Variants in KIAA1217 observed in about 807,000 individuals in gnomAD.
The protein encoded by KIAA1217 is KIAA1217.
KIAA1217 carries 88 observed loss-of-function variants against 163.9 expected under a neutral mutation model. That is an observed-to-expected ratio of 0.54 (90% CI 0.45 to 0.64). The LOEUF (loss-of-function observed/expected upper bound fraction) is 0.64. Ranked by LOEUF, KIAA1217 falls within the 30% of genes least tolerant of loss-of-function variation. The pLI is 0.00. For synonymous variants in KIAA1217, 903 were observed against 923.1 expected, an observed-to-expected ratio of 0.98 and a Z score of 0.39; for missense variants, 2,372 against 2,475.0, an observed-to-expected ratio of 0.96 and a Z score of 0.88.
chr10:24,124,018 GCTAT>G (rs1458677817), intron 2 of KIAA1217, among the ~76,000 whole-genome samples: 1 of 152,034 alleles, frequency 6.6e-6, no homozygotes, highest in African/African-American at 2.4e-5. Flanking sequence ...CTTTATTTAG[GCTAT>G]CTTTTATCAT....
At chr10:23,818,008 T>TACACACACAC (rs1255645777) in intron 1 of KIAA1217, among the ~76,000 whole-genome samples, 1 of 87,264 alleles carries the variant, frequency 1.1e-5, no homozygotes, top group African/African-American at 5.3e-5. Flanking sequence ...TATATATATA[T>TACACACACAC]ACACACATAT....
chr10:24,074,362 C>T (rs1393572227), intron 2 of KIAA1217, among the ~76,000 whole-genome samples: 1 of 151,932 alleles, frequency 6.6e-6, no homozygotes, highest in Non-Finnish European at 1.5e-5. Flanking sequence ...CAAACAACAA[C>T]AACAACAAAA....
intron 1 of KIAA1217, among the ~76,000 whole-genome samples, chr10:23,699,472 C>T (rs1836278819): frequency 6.6e-6 from 1 of 152,194 alleles, no homozygotes; most frequent in African/African-American, 2.4e-5. Context: ...CTTGTGCTCT[C>T]TTCTCCATTG....
chr10:24,048,719 G>T (rs185619373), intron 2 of KIAA1217, among the ~76,000 whole-genome samples: 106 of 133,200 alleles, frequency 8.0e-4, no homozygotes, highest in African/African-American at 2.6e-3. Flanking sequence ...GACAGAGCAA[G>T]ACTCTGTCTC....
intron 2 of KIAA1217, among the ~76,000 whole-genome samples, chr10:24,342,508 A>G (rs949571728): frequency 1.3e-5 from 2 of 152,176 alleles, no homozygotes; most frequent in Admixed American, 6.5e-5. Flanking sequence ...CTCAAATGGC[A>G]TATGCATATC....
At chr10:24,277,876 C>T (rs755993217) in intron 2 of KIAA1217, among the ~76,000 whole-genome samples, 13 of 152,218 alleles carry the variant, frequency 8.5e-5, no homozygotes, top group Non-Finnish European at 1.0e-4. Context: ...CACCCTCTGA[C>T]GGGCAAAAGA....
chr10:24,047,934 A>G (rs1228391783), intron 2 of KIAA1217, among the ~76,000 whole-genome samples: 1 of 152,162 alleles, frequency 6.6e-6, no homozygotes, highest in Non-Finnish European at 1.5e-5. Context: ...CTTTTTCCTA[A>G]TAATAAGGAG....
At chr10:24,367,878 G>A (rs570407350) in intron 2 of KIAA1217, among the ~76,000 whole-genome samples, 1 of 152,170 alleles carries the variant, frequency 6.6e-6, no homozygotes, top group Admixed American at 6.5e-5. Flanking sequence ...CTTGCCCAAG[G>A]TCACACAGCT....
chr10:24,087,368 A>G (rs1374574463), intron 2 of KIAA1217, among the ~76,000 whole-genome samples: 1 of 152,196 alleles, frequency 6.6e-6, no homozygotes, highest in East Asian at 1.9e-4. Flanking sequence ...TACATAATTT[A>G]AGCTTTCTTC....
chr10:23,697,286 T>C (rs527779100), intron 1 of KIAA1217, among the ~76,000 whole-genome samples: 1 of 152,350 alleles, frequency 6.6e-6, no homozygotes, highest in East Asian at 1.9e-4. Flanking sequence ...TTCCTTCACG[T>C]ATCTAATAAT....
intron 2 of KIAA1217, among the ~76,000 whole-genome samples, chr10:24,068,363 A>T (rs897875529): frequency 1.3e-5 from 2 of 152,180 alleles, no homozygotes; most frequent in Middle Eastern, 3.4e-3. Flanking sequence ...CTTTACTTAA[A>T]TTCTCACTTT....
intron 2 of KIAA1217, among the ~76,000 whole-genome samples, chr10:24,039,349 G>C (rs924571487): frequency 6.6e-5 from 10 of 152,074 alleles, no homozygotes; most frequent in Admixed American, 6.6e-5. Context: ...TACAATGGGG[G>C]AAACAATATG....
At chr10:24,364,789 C>CA (rs1554831836) in intron 2 of KIAA1217, among the ~76,000 whole-genome samples, 10 of 148,338 alleles carry the variant, frequency 6.7e-5, no homozygotes, top group Non-Finnish European at 9.0e-5. Context: ...TTCTTCCTTT[C>CA]TTTTTTTTTT....
intron 1 of KIAA1217, among the ~76,000 whole-genome samples, chr10:23,745,365 G>T (rs1021087539): frequency 6.6e-6 from 1 of 152,156 alleles, no homozygotes; most frequent in African/African-American, 2.4e-5. Flanking sequence ...CAGAATGTTT[G>T]TGCTAATGTA....
At chr10:24,224,873 C>T (rs1220918529) in intron 2 of KIAA1217, among the ~76,000 whole-genome samples, 1 of 144,098 alleles carries the variant, frequency 6.9e-6, no homozygotes, top group Admixed American at 7.2e-5. Flanking sequence ...GTCACCCAGG[C>T]TGGAGTGCAG....
intron 1 of KIAA1217, among the ~76,000 whole-genome samples, chr10:23,993,927 G>C (rs1846343886): frequency 6.6e-6 from 1 of 152,032 alleles, no homozygotes; most frequent in Non-Finnish European, 1.5e-5. Context: ...AGTCTTCCCG[G>C]TGTGCCTAAG....
At chr10:23,745,663 T>C (rs77997686) in intron 1 of KIAA1217, among the ~76,000 whole-genome samples, 1 of 152,204 alleles carries the variant, frequency 6.6e-6, no homozygotes, top group Non-Finnish European at 1.5e-5. Flanking sequence ...GCAAAGCTTG[T>C]GAAGGCTATT....
chr10:23,728,040 T>A (rs547676217), intron 1 of KIAA1217, among the ~76,000 whole-genome samples: 2 of 152,354 alleles, frequency 1.3e-5, no homozygotes, highest in Admixed American at 1.3e-4. Flanking sequence ...CTTTATCCAG[T>A]CTATCATTGA....
At chr10:24,525,514 G>A (rs1286280297) in intron 13 of KIAA1217, among the ~76,000 whole-genome samples, 2 of 152,212 alleles carry the variant, frequency 1.3e-5, no homozygotes, top group Non-Finnish European at 2.9e-5. Context: ...GAGAAATGCT[G>A]CAGCTCTAAT....
Sources: gnomAD v4.1 joint callset for allele counts (sites outside exome capture counted in the v4.1 genomes callset) on GRCh38, gnomAD v4.1.1 for gene constraint, MANE v1.5 for transcripts, NCBI Gene and HGNC (gene_info 2026-07-23, HGNC 2026-07-21) for gene names.